Variants in ADGB observed in about 807,000 individuals in gnomAD.
The protein encoded by ADGB is calpain-7-like protein.
In ADGB, 172 loss-of-function variants were observed where a neutral mutation model predicts 210.5. The observed-to-expected ratio is 0.82, with a 90% CI of 0.72 to 0.93. The LOEUF is 0.93. Ranked by LOEUF, ADGB falls within the 40% of genes least tolerant of loss-of-function variation. The pLI is 0.00. For missense variants in ADGB, 2,025 were observed against 1,964.8 expected (o/e 1.03, Z -0.58); for synonymous variants, 658 against 662.7 (o/e 0.99, Z 0.11).
chr6:146,698,976 C>T (rs1776449306), intron 12 of ADGB, among the ~76,000 whole-genome samples: 1 of 152,086 alleles, frequency 6.6e-6, no homozygotes, highest in African/African-American at 2.4e-5. Context: ...TTTGGAGGAA[C>T]ACAAACATTT....
chr6:146,707,695 C>T (rs1776594508), intron 13 of ADGB, among the ~76,000 whole-genome samples: 3 of 152,134 alleles, frequency 2.0e-5, no homozygotes, highest in Non-Finnish European at 1.5e-5. Flanking sequence ...AATATCCTTT[C>T]CCATCTTTTT....
intron 1 of ADGB, among the ~76,000 whole-genome samples, chr6:146,605,943 A>C (rs978959885): frequency 6.6e-6 from 1 of 152,148 alleles, no homozygotes; most frequent in African/African-American, 2.4e-5. Context: ...TATACCCAGG[A>C]AAGGGATTTC....
chr6:146,656,818 C>A lies in ADGB; in HGVS notation c.450C>A (p.Phe150Leu). Residue 150 changes from phenylalanine (F) to leucine (L), a missense_variant, in exon 5 of 36, where the codon TTC becomes TTA. Physicochemically the swap from Phe to Leu is conservative, Grantham distance 22 (BLOSUM62 0). Coordinates refer to ENST00000397944, the MANE Select transcript of ADGB (RefSeq NM_024694.4). ...ISEIYAVWKI[F>L]NGGILSNYFK... ...AAATCTATGCAGTGTGGAAGATCTT[C>A]AATGGAGGAATTTTGAGCAATTATT... 6.4e-7 allele frequency: 1 copy of A among 1,551,044 alleles called. No individual in the cohort carries two copies. The highest frequency in any genetic ancestry group is 2.0e-5 in the Admixed American group (1 of 50,892).
chr6:146,676,393 T>A lies in ADGB; in HGVS notation c.1168T>A (p.Ser390Thr). 1 of 1,547,866 alleles carries A rather than the reference T, an allele frequency of 6.5e-7. No individual in the cohort carries two copies. Among genetic ancestry groups the A allele is most frequent in the African/African-American group, 1.4e-5 (1 of 73,024 alleles). The change falls in exon 9 of 36, where the codon TCA becomes ACA. Residue 390 changes from serine (S) to threonine (T), a missense_variant. Transcript: ENST00000397944. The stretch of plus-strand genomic sequence containing the variant: ...AAAATTCAAATTCTCACTTCATGGT[T>A]CAAGACCCTCATCAGAAGTGCAGTA... Reference protein sequence around the residue: ...KEKFKFSLHGSRPSSEVQYSV... With the variant: ...KEKFKFSLHGTRPSSEVQYSV...
rs190709739 is a variant in ADGB at position 146,745,675 on chromosome 6, C to G, written c.3178-247C>G. Reference sequence around the variant, plus strand: ...AGTAATCATCTATTGTAGTTAAGCACTTTATTTTATAGTTAAGGAACCACA... The same window carrying G: ...AGTAATCATCTATTGTAGTTAAGCAGTTTATTTTATAGTTAAGGAACCACA... On this transcript the variant is annotated intron_variant, in intron 25 of 35. Transcript: ENST00000397944. Among the ~76,000 whole-genome samples, 38 of 152,212 alleles carry G rather than the reference C, an allele frequency of 2.5e-4. No homozygotes were observed. The East Asian group carries it at 6.0e-3, about 24-fold the overall frequency.
At chr6:146,666,357 C>T (rs1374175412) in intron 6 of ADGB, among the ~76,000 whole-genome samples, 1 of 152,022 alleles carries the variant, frequency 6.6e-6, no homozygotes, top group Non-Finnish European at 1.5e-5. Context: ...GGTTTCTCCA[C>T]AGTTATCTAA....
At chr6:146,623,683 A>G (rs1780931965) in intron 1 of ADGB, among the ~76,000 whole-genome samples, 1 of 151,938 alleles carries the variant, frequency 6.6e-6, no homozygotes, top group Admixed American at 6.6e-5. Flanking sequence ...TGGGCAAAGC[A>G]TTCAGTCTTA....
intron 33 of ADGB, 55 bp from the exon 34 acceptor site, chr6:146,801,128 T>A: frequency 1.1e-6 from 1 of 939,234 alleles, no homozygotes; most frequent in Non-Finnish European, 1.5e-6. Context: ...ATTTGGTTAG[T>A]CATTATTATT....
intron 21 of ADGB, among the ~76,000 whole-genome samples, chr6:146,733,678 T>C (rs532578823): frequency 6.6e-6 from 1 of 152,308 alleles, no homozygotes; most frequent in South Asian, 2.1e-4. Context: ...GAATCAATAG[T>C]AGTTCACCAA....
Position 146,741,242 on chromosome 6 carries a change from G to A in ADGB, c.3148G>A (p.Val1050Met), listed in dbSNP as rs1018844607. Residue 1050 changes from valine to methionine, a missense_variant, in exon 25 of 36, where the codon GTG becomes ATG. Coordinates refer to ENST00000397944, the MANE Select transcript of ADGB (RefSeq NM_024694.4). ...MEQVPKVFQK[V>M]VPYLYTKNKK... ...GCAAGTGCCAAAGGTGTTCCAAAAAGTGGTGCCTTATCTTTATACCAAGAA... is the reference window on the plus strand; with the variant it reads ...GCAAGTGCCAAAGGTGTTCCAAAAAATGGTGCCTTATCTTTATACCAAGAA... 1.3e-6 allele frequency: 2 copies of A among 1,550,842 alleles called. No individual in the cohort carries two copies. Among genetic ancestry groups the A allele is most frequent in the African/African-American group, 1.4e-5 (1 of 72,998 alleles).
At chr6:146,789,270 G>A (rs1051761566) in intron 33 of ADGB, among the ~76,000 whole-genome samples, 4 of 152,170 alleles carry the variant, frequency 2.6e-5, no homozygotes, top group African/African-American at 4.8e-5. Context: ...TCTCAGGTGT[G>A]AGCACTACCT....
At chr6:146,811,223 A>G (rs1778297761) in intron 35 of ADGB, among the ~76,000 whole-genome samples, 1 of 152,110 alleles carries the variant, frequency 6.6e-6, no homozygotes, top group Non-Finnish European at 1.5e-5. Flanking sequence ...GCTCACACCA[A>G]TATTTTATAT....
chr6:146,726,980 T>C (rs533661243), intron 19 of ADGB, among the ~76,000 whole-genome samples: 4 of 152,218 alleles, frequency 2.6e-5, no homozygotes, highest in Non-Finnish European at 4.4e-5. Context: ...CTTCTTGGTC[T>C]CTTCTCCTTG....
At chr6:146,721,285 C>T (rs1776808593) in intron 16 of ADGB, 118 bp from the exon 17 acceptor site, 10 of 647,880 alleles carry the variant, frequency 1.5e-5, no homozygotes, top group Non-Finnish European at 2.7e-5. Flanking sequence ...TATTGTGGTG[C>T]CTACAACACA....
At chr6:146,765,382 A>G (rs957704920) in intron 28 of ADGB, among the ~76,000 whole-genome samples, 5 of 152,058 alleles carry the variant, frequency 3.3e-5, no homozygotes, top group African/African-American at 9.6e-5. Context: ...AATCATTTAG[A>G]TATCTATATG....
At chr6:146,770,752 C>G (rs1777639329) in intron 29 of ADGB, 2 of 361,326 alleles carry the variant, frequency 5.5e-6, no homozygotes, top group Non-Finnish European at 1.2e-5. Flanking sequence ...ACTGGGGCCA[C>G]AGAGTCGCCG....
At chr6:146,603,296 G>A (rs4896877) in intron 1 of ADGB, among the ~76,000 whole-genome samples, 138,305 of 152,080 alleles carry the variant, frequency 0.91, 62,917 homozygotes, top group Middle Eastern at 0.95. Context: ...TGCCGCTGGA[G>A]GGATTTGTAG....
At chr6:146,763,799 C>A in intron 27 of ADGB, 102 bp from the exon 28 acceptor site, 2 of 1,020,646 alleles carry the variant, frequency 2.0e-6, no homozygotes, top group Non-Finnish European at 2.8e-6. Context: ...AAAGAATTGA[C>A]CTATTCCTTT....
In ADGB at chr6:146,733,172, C is replaced by G; in HGVS notation, c.2573C>G (p.Pro858Arg). Residue 858 changes from proline (P) to arginine (R), a missense_variant, in exon 21 of 36, where the codon CCT becomes CGT. Coordinates refer to ENST00000397944, the MANE Select transcript of ADGB (RefSeq NM_024694.4). ...RLMKKVQITK[P>R]PPNFKFAFRA... The stretch of plus-strand genomic sequence containing the variant: ...ATGAAAAAAGTTCAAATAACAAAAC[C>G]TCCTCCAAACTTCAAATTTGCATTC... 1.3e-6 allele frequency: 2 copies of G among 1,539,030 alleles called. No individual in the cohort carries two copies. Among genetic ancestry groups the G allele is most frequent in the Non-Finnish European group, 1.8e-6 (2 of 1,139,668 alleles).
Sources: allele counts gnomAD v4.1 joint callset (sites outside exome capture counted in the v4.1 genomes callset), GRCh38; gene constraint gnomAD v4.1.1; transcripts MANE v1.5; gene names NCBI Gene and HGNC (gene_info 2026-07-23, HGNC 2026-07-21).